Variants in LRRTM4 observed in about 807,000 individuals in gnomAD.
The protein encoded by LRRTM4 is leucine rich repeat transmembrane neuronal 4, also known as leucine-rich repeat transmembrane neuronal protein 4.
Under a neutral mutation model 47.6 loss-of-function variants are expected in LRRTM4, and 25 were observed. The observed-to-expected ratio is 0.53, with a 90% CI of 0.38 to 0.73. The LOEUF (loss-of-function observed/expected upper bound fraction) is 0.73. LRRTM4 is among the 30% of genes least tolerant of loss of function. LRRTM4 has a pLI of 0.00. For synonymous variants in LRRTM4, 311 were observed against 269.5 expected (o/e 1.15, Z -1.51); for missense variants, 638 against 713.4 (o/e 0.89, Z 1.20).
chr2:77,272,780 CT>C (rs1230777635), intron 3 of LRRTM4, among the ~76,000 whole-genome samples: 2 of 152,090 alleles, frequency 1.3e-5, no homozygotes. Context: ...CACCACCCTC[CT>C]TTTTTTCTTC....
chr2:76,773,611 C>T (rs1440270299), intron 3 of LRRTM4, among the ~76,000 whole-genome samples: 2 of 151,112 alleles, frequency 1.3e-5, no homozygotes, highest in Non-Finnish European at 2.9e-5. Flanking sequence ...AAAGGAACAA[C>T]TAAAAATAAA....
intron 3 of LRRTM4, among the ~76,000 whole-genome samples, chr2:76,982,957 G>C (rs931704540): frequency 6.6e-6 from 1 of 151,872 alleles, no homozygotes; most frequent in Non-Finnish European, 1.5e-5. Flanking sequence ...TTTGTTTTAA[G>C]TTACAGATAA....
chr2:77,247,678 C>T (rs530408997), intron 3 of LRRTM4, among the ~76,000 whole-genome samples: 1 of 152,104 alleles, frequency 6.6e-6, no homozygotes, highest in East Asian at 1.9e-4. Context: ...TCTGTGATTG[C>T]TAAGAGGTTG....
At chr2:76,784,994 A>T (rs1340834849) in intron 3 of LRRTM4, among the ~76,000 whole-genome samples, 1 of 152,028 alleles carries the variant, frequency 6.6e-6, no homozygotes, top group Non-Finnish European at 1.5e-5. Flanking sequence ...CTTTCATTTT[A>T]TCCAAATTTC....
intron 3 of LRRTM4, among the ~76,000 whole-genome samples, chr2:77,425,606 A>G (rs1166059404): frequency 1.3e-5 from 2 of 152,232 alleles, no homozygotes; most frequent in Non-Finnish European, 2.9e-5. Flanking sequence ...AGATAATCAT[A>G]TATGTACCAA....
At chr2:77,207,588 C>A (rs1337765466) in intron 3 of LRRTM4, among the ~76,000 whole-genome samples, 1 of 151,350 alleles carries the variant, frequency 6.6e-6, no homozygotes, top group African/African-American at 2.4e-5. Context: ...GTTATAAATT[C>A]ATACAAAGCT....
chr2:76,911,188 C>T (rs186495914), intron 3 of LRRTM4, among the ~76,000 whole-genome samples: 1 of 152,202 alleles, frequency 6.6e-6, no homozygotes, highest in African/African-American at 2.4e-5. Context: ...CAGGCAGGTA[C>T]CGAGTTTGAA....
intron 3 of LRRTM4, among the ~76,000 whole-genome samples, chr2:76,858,278 A>G (rs1362783581): frequency 6.6e-6 from 1 of 152,198 alleles, no homozygotes; most frequent in African/African-American, 2.4e-5. Flanking sequence ...CTGAAAAAAC[A>G]AAAAGGCTGA....
At chr2:76,912,208 C>T (rs1003939192) in intron 3 of LRRTM4, among the ~76,000 whole-genome samples, 2 of 152,068 alleles carry the variant, frequency 1.3e-5, no homozygotes, top group African/African-American at 2.4e-5. Flanking sequence ...CGTGAGCCAC[C>T]GCCCCTGGCC....
At position 77,521,708 on chromosome 2, in the gene LRRTM4, C is replaced by T. The variant is rs374244906; in HGVS notation, c.-37G>A. On this transcript the variant is annotated 5_prime_UTR_variant, in exon 2 of 4. Coordinates refer to ENST00000409884, the MANE Select transcript of LRRTM4 (RefSeq NM_001134745.3). ...CAAAAACGTTTCCCCCCTCTCTCAG[C>T]TTTCTTCTTATTTGGTCTCTTGTGC... 1 of 1,611,712 alleles carries T rather than the reference C, an allele frequency of 6.2e-7. No homozygotes were observed. The highest frequency in any genetic ancestry group is 8.5e-7 in the Non-Finnish European group (1 of 1,178,944).
chr2:77,509,499 G>C (rs1302670543), intron 3 of LRRTM4, among the ~76,000 whole-genome samples: 1 of 152,038 alleles, frequency 6.6e-6, no homozygotes, highest in Non-Finnish European at 1.5e-5. Flanking sequence ...GCTCAGACAA[G>C]GGACGGAAAG....
intron 3 of LRRTM4, among the ~76,000 whole-genome samples, chr2:77,160,744 C>T (rs911394408): frequency 6.6e-6 from 1 of 152,078 alleles, no homozygotes; most frequent in South Asian, 2.1e-4. Flanking sequence ...CTCTTTCCTG[C>T]CTTAAATCCT....
chr2:77,229,103 C>G (rs1025923679), intron 3 of LRRTM4, among the ~76,000 whole-genome samples: 2 of 152,054 alleles, frequency 1.3e-5, no homozygotes, highest in Non-Finnish European at 2.9e-5. Context: ...TCCTTTAAAG[C>G]CCCTTCTTAA....
chr2:77,494,894 C>T (rs184017451), intron 3 of LRRTM4, among the ~76,000 whole-genome samples: 16 of 152,188 alleles, frequency 1.1e-4, no homozygotes, highest in African/African-American at 3.6e-4. Context: ...TTCATGGAAT[C>T]ATACAGAAAA....
chr2:77,119,776 T>C (rs957474654), intron 3 of LRRTM4, among the ~76,000 whole-genome samples: 1 of 151,870 alleles, frequency 6.6e-6, no homozygotes, highest in Non-Finnish European at 1.5e-5. Context: ...TATATATCAC[T>C]ACATATCACT....
intron 3 of LRRTM4, among the ~76,000 whole-genome samples, chr2:77,166,156 C>G (rs974381451): frequency 7.2e-5 from 11 of 152,158 alleles, no homozygotes; most frequent in Admixed American, 6.5e-4. Flanking sequence ...CATTCCTATA[C>G]ACCAATGACA....
chr2:77,264,755 C>A (rs533532809), intron 3 of LRRTM4, among the ~76,000 whole-genome samples: 1 of 151,952 alleles, frequency 6.6e-6, no homozygotes, highest in Non-Finnish European at 1.5e-5. Context: ...TAAAATGAGG[C>A]CCCTTATATA....
intron 3 of LRRTM4, among the ~76,000 whole-genome samples, chr2:76,824,823 G>T (rs374575121): frequency 4.0e-5 from 6 of 151,626 alleles, no homozygotes; most frequent in African/African-American, 1.4e-4. Context: ...CATCAAGAAT[G>T]AATAGAGTTT....
chr2:76,768,278 G>C (rs572506887), intron 3 of LRRTM4, among the ~76,000 whole-genome samples: 1 of 152,232 alleles, frequency 6.6e-6, no homozygotes, highest in East Asian at 1.9e-4. Context: ...TCTAAGAATG[G>C]TAACTTCTTC....
Sources: gnomAD v4.1 joint callset for allele counts (sites outside exome capture counted in the v4.1 genomes callset) on GRCh38, gnomAD v4.1.1 for gene constraint, MANE v1.5 for transcripts, NCBI Gene and HGNC (gene_info 2026-07-23, HGNC 2026-07-21) for gene names.